The following RBFOX1 variants were observed in gnomAD, a reference collection of about 807,000 sequenced individuals.
The protein encoded by RBFOX1 is RNA binding fox-1 homolog 1.
RBFOX1 carries 8 observed loss-of-function variants against 57.7 expected under a neutral mutation model. The ratio of observed to expected loss-of-function variants is 0.14; its 90% confidence interval spans 0.08 to 0.25. The LOEUF (loss-of-function observed/expected upper bound fraction) is 0.25, where lower values mean the gene tolerates loss of function less well. Ranked by LOEUF, RBFOX1 falls within the 10% of genes least tolerant of loss-of-function variation. The pLI is 1.00. For synonymous variants in RBFOX1, 326 were observed against 222.4 expected (o/e 1.47, Z -4.15); for missense variants, 611 against 548.5 (o/e 1.11, Z -1.14).
chr16:7,663,826 T>C (rs568273360), intron 12 of RBFOX1, among the ~76,000 whole-genome samples: 5 of 152,342 alleles, frequency 3.3e-5, no homozygotes, highest in African/African-American at 1.2e-4. Context: ...AGGCTACATA[T>C]GATTCTCGTT....
At chr16:5,839,799 C>T (rs1188858060) in intron 3 of RBFOX1, among the ~76,000 whole-genome samples, 1 of 152,146 alleles carries the variant, frequency 6.6e-6, no homozygotes, top group East Asian at 1.9e-4. Flanking sequence ...GTTTTCTTTT[C>T]TTGAGGCTAT....
intron 5 of RBFOX1, among the ~76,000 whole-genome samples, chr16:7,563,513 G>A (rs533326535): frequency 3.8e-4 from 58 of 152,230 alleles, no homozygotes; most frequent in Non-Finnish European, 2.9e-5. Flanking sequence ...TGTTGCCCAG[G>A]CTGGAGTGCA....
At chr16:6,027,305 G>A in intron 1 of RBFOX1, among the ~76,000 whole-genome samples, 1 of 152,092 alleles carries the variant, frequency 6.6e-6, no homozygotes, top group South Asian at 2.1e-4. Flanking sequence ...TGACTAAATG[G>A]CAAACCGAGA....
chr16:5,793,558 G>A (rs1381815442), intron 3 of RBFOX1, among the ~76,000 whole-genome samples: 6 of 152,110 alleles, frequency 3.9e-5, no homozygotes, highest in African/African-American at 7.2e-5. Context: ...AGAGGTGGGC[G>A]TCCCTCCCTC....
At chr16:6,580,013 C>T (rs1003108038) in intron 2 of RBFOX1, among the ~76,000 whole-genome samples, 1 of 152,054 alleles carries the variant, frequency 6.6e-6, no homozygotes, top group African/African-American at 2.4e-5. Flanking sequence ...GGCTGGAGTG[C>T]AGCGGTGTGA....
At chr16:5,630,436 G>A (rs955467665) in intron 3 of RBFOX1, among the ~76,000 whole-genome samples, 4 of 151,928 alleles carry the variant, frequency 2.6e-5, no homozygotes, top group African/African-American at 9.7e-5. Flanking sequence ...CAGCCTGGGT[G>A]ACAGAGTAAG....
chr16:7,644,683 G>C (rs17144442), intron 11 of RBFOX1, among the ~76,000 whole-genome samples: 1,996 of 152,312 alleles, frequency 0.013, 52 homozygotes, highest in African/African-American at 0.045. Context: ...TGGAGACACA[G>C]TAGGGACCAA....
At chr16:6,834,146 T>G (rs1299279024) in intron 3 of RBFOX1, among the ~76,000 whole-genome samples, 2 of 152,060 alleles carry the variant, frequency 1.3e-5, no homozygotes, top group Non-Finnish European at 2.9e-5. Flanking sequence ...CCCACTCGGC[T>G]CACCACAACC....
exon 3 of RBFOX1, chr16:5,599,230 C>G (rs776681003): frequency 1.0e-5 from 7 of 690,662 alleles, no homozygotes; most frequent in Non-Finnish European, 1.6e-5. Flanking sequence ...TGGACAGATC[C>G]GGGGCACAGT....
intron 4 of RBFOX1, among the ~76,000 whole-genome samples, chr16:7,369,079 AG>A (rs146348382): frequency 0.027 from 4,067 of 152,236 alleles, 182 homozygotes; most frequent in African/African-American, 0.089. Flanking sequence ...AAGGTGAAAG[AG>A]GAATACAGAA....
intron 1 of RBFOX1, among the ~76,000 whole-genome samples, chr16:6,165,066 T>A (rs1305238044): frequency 6.6e-6 from 1 of 152,142 alleles, no homozygotes; most frequent in Non-Finnish European, 1.5e-5. Context: ...CTTTGAGGCG[T>A]GATTATGGTT....
intron 2 of RBFOX1, among the ~76,000 whole-genome samples, chr16:6,515,434 C>G (rs1468743563): frequency 1.3e-5 from 2 of 152,184 alleles, no homozygotes; most frequent in Non-Finnish European, 2.9e-5. Flanking sequence ...CATTTTGGTC[C>G]TGGACATATT....
chr16:5,850,480 A>G (rs1409530167), intron 3 of RBFOX1, among the ~76,000 whole-genome samples: 3 of 152,016 alleles, frequency 2.0e-5, no homozygotes, highest in Non-Finnish European at 4.4e-5. Flanking sequence ...TAGGTTCTCT[A>G]ACAAAGTAGC....
chr16:7,349,643 G>A (rs1401422300), intron 4 of RBFOX1, among the ~76,000 whole-genome samples: 1 of 152,228 alleles, frequency 6.6e-6, no homozygotes, highest in Middle Eastern at 3.4e-3. Flanking sequence ...TTGAGAGGCT[G>A]AGGAGGGTTG....
intron 4 of RBFOX1, among the ~76,000 whole-genome samples, chr16:7,479,586 C>T (rs1407400483): frequency 6.6e-6 from 1 of 152,152 alleles, no homozygotes; most frequent in Non-Finnish European, 1.5e-5. Context: ...GGGTGTGAAG[C>T]ATGAAACAGG....
intron 4 of RBFOX1, among the ~76,000 whole-genome samples, chr16:7,259,225 C>T (rs981745007): frequency 2.0e-4 from 31 of 152,156 alleles, no homozygotes; most frequent in African/African-American, 7.2e-4. Context: ...CTCTTTGATG[C>T]TATACAATTA....
At chr16:5,738,655 A>AT (rs1555513202) in intron 3 of RBFOX1, among the ~76,000 whole-genome samples, 2 of 150,276 alleles carry the variant, frequency 1.3e-5, no homozygotes, top group Non-Finnish European at 3.0e-5. Context: ...AAAAAAAAAA[A>AT]GGGAAATCTA....
At chr16:6,928,108 C>T (rs932804316) in intron 3 of RBFOX1, among the ~76,000 whole-genome samples, 1 of 152,104 alleles carries the variant, frequency 6.6e-6, no homozygotes, top group Admixed American at 6.6e-5. Context: ...CCCTTCAGTC[C>T]CTTCGGCAGA....
chr16:7,525,538 A>G (rs1488605410), intron 5 of RBFOX1, among the ~76,000 whole-genome samples: 2 of 152,200 alleles, frequency 1.3e-5, no homozygotes, highest in East Asian at 3.9e-4. Flanking sequence ...CCTCATGGAC[A>G]GAACCTAAGA....
Sources: gnomAD v4.1 joint callset for allele counts (sites outside exome capture counted in the v4.1 genomes callset) on GRCh38, gnomAD v4.1.1 for gene constraint, MANE v1.5 for transcripts, NCBI Gene and HGNC (gene_info 2026-07-23, HGNC 2026-07-21) for gene names.